Variants in WWOX observed in about 807,000 individuals in gnomAD.
The protein encoded by WWOX is WW domain-containing oxidoreductase.
Under a neutral mutation model 46.2 loss-of-function variants are expected in WWOX, and 69 were observed. The ratio of observed to expected loss-of-function variants is 1.49; its 90% CI spans 1.23 to 1.82. The LOEUF (loss-of-function observed/expected upper bound fraction) is 1.82, where lower values mean the gene tolerates loss of function less well. WWOX is among the 40% of genes most tolerant of loss of function. The pLI, the probability that WWOX is intolerant of heterozygous loss-of-function variation, is 0.00. For missense variants in WWOX, 919 were observed against 542.6 expected, an observed-to-expected ratio of 1.69 and a Z score of -6.89; for synonymous variants, 359 against 202.6, an observed-to-expected ratio of 1.77 and a Z score of -6.56.
chr16:78,516,580 C>T (rs1008698940), intron 8 of WWOX, among the ~76,000 whole-genome samples: 3 of 152,118 alleles, frequency 2.0e-5, no homozygotes, highest in Admixed American at 1.3e-4. Flanking sequence ...CATACTTGGC[C>T]TGTTTCTACA....
At chr16:79,147,319 T>G (rs190832554) in intron 8 of WWOX, among the ~76,000 whole-genome samples, 68 of 152,326 alleles carry the variant, frequency 4.5e-4, no homozygotes, top group African/African-American at 1.5e-3. Flanking sequence ...TGTTGTTTTT[T>G]CAAAATTATT....
chr16:78,813,587 G>T (rs955653101), intron 8 of WWOX, among the ~76,000 whole-genome samples: 1 of 152,142 alleles, frequency 6.6e-6, no homozygotes, highest in African/African-American at 2.4e-5. Context: ...GCGTGTGTGT[G>T]TGCATGTGTG....
intron 6 of WWOX, among the ~76,000 whole-genome samples, chr16:78,413,205 G>C (rs2082722989): frequency 6.6e-6 from 1 of 152,046 alleles, no homozygotes; most frequent in Non-Finnish European, 1.5e-5. Context: ...CGAGAATTCA[G>C]GGATCGGAGT....
At chr16:78,910,906 T>C (rs1445573471) in intron 8 of WWOX, among the ~76,000 whole-genome samples, 4 of 152,070 alleles carry the variant, frequency 2.6e-5, no homozygotes. Flanking sequence ...AGATGCAAAG[T>C]TATGCATATG....
chr16:78,713,916 G>C (rs920013673), intron 8 of WWOX, among the ~76,000 whole-genome samples: 3 of 152,154 alleles, frequency 2.0e-5, no homozygotes, highest in African/African-American at 4.8e-5. Flanking sequence ...CCCGAGGACT[G>C]TCGTTGGGGA....
chr16:79,111,309 A>G (rs1382768127), intron 8 of WWOX, among the ~76,000 whole-genome samples: 1 of 152,166 alleles, frequency 6.6e-6, no homozygotes, highest in Non-Finnish European at 1.5e-5. Context: ...TTTCTCTGTC[A>G]TGTTTAATTT....
At chr16:78,521,798 A>C (rs2043353879) in intron 8 of WWOX, among the ~76,000 whole-genome samples, 1 of 151,074 alleles carries the variant, frequency 6.6e-6, no homozygotes, top group African/African-American at 2.4e-5. Flanking sequence ...TTTTTTTGGC[A>C]TAAGAAGCCC....
At chr16:78,168,525 C>A (rs2035050223) in intron 5 of WWOX, 1 of 151,770 alleles carries the variant, frequency 6.6e-6, no homozygotes, top group Non-Finnish European at 1.5e-5. Context: ...CTGGTGAGCT[C>A]AGAGTCAGGC....
chr16:79,160,968 C>G (rs1318108885), intron 8 of WWOX, among the ~76,000 whole-genome samples: 1 of 152,044 alleles, frequency 6.6e-6, no homozygotes, highest in East Asian at 1.9e-4. Context: ...TAATGTAGCA[C>G]GTTTCCTGGC....
chr16:78,607,853 G>A (rs1046548963), intron 8 of WWOX, among the ~76,000 whole-genome samples: 1 of 152,038 alleles, frequency 6.6e-6, no homozygotes, highest in African/African-American at 2.4e-5. Context: ...GGGTACAATA[G>A]GTACCTGCAG....
intron 8 of WWOX, among the ~76,000 whole-genome samples, chr16:78,523,485 A>G (rs1427777704): frequency 6.6e-6 from 1 of 152,210 alleles, no homozygotes; most frequent in Non-Finnish European, 1.5e-5. Flanking sequence ...CTTAGTAGCA[A>G]TTCTAGTCTG....
At chr16:78,473,386 T>A (rs1332634795) in intron 8 of WWOX, among the ~76,000 whole-genome samples, 1 of 151,976 alleles carries the variant, frequency 6.6e-6, no homozygotes, top group African/African-American at 2.4e-5. Context: ...CACCTCAGCC[T>A]CCCAAAGTGC....
intron 6 of WWOX, among the ~76,000 whole-genome samples, chr16:78,414,298 C>G (rs374151945): frequency 5.9e-5 from 9 of 152,180 alleles, no homozygotes; most frequent in African/African-American, 2.2e-4. Context: ...TCACACAAAG[C>G]CTGTTTGGTG....
intron 8 of WWOX, among the ~76,000 whole-genome samples, chr16:78,648,357 G>C (rs1235526703): frequency 2.0e-5 from 3 of 152,138 alleles, no homozygotes; most frequent in African/African-American, 4.8e-5. Flanking sequence ...GAGCCAGCCG[G>C]CTCCCCTGCA....
intron 8 of WWOX, among the ~76,000 whole-genome samples, chr16:79,156,409 C>G (rs978719552): frequency 6.6e-6 from 1 of 152,200 alleles, no homozygotes; most frequent in African/African-American, 2.4e-5. Context: ...GATTCACCCG[C>G]CTCAGCCTCC....
intron 8 of WWOX, among the ~76,000 whole-genome samples, chr16:79,012,085 C>G (rs1176110307): frequency 2.0e-5 from 3 of 152,152 alleles, no homozygotes; most frequent in South Asian, 2.1e-4. Flanking sequence ...AGCGTGGACA[C>G]TGGGTAGGAG....
chr16:78,256,049 C>T (rs990737019), intron 5 of WWOX, among the ~76,000 whole-genome samples: 1 of 146,294 alleles, frequency 6.8e-6, no homozygotes, highest in Non-Finnish European at 1.5e-5. Flanking sequence ...GCTCAGGAGG[C>T]TGAGGCAGGA....
chr16:78,461,810 C>G (rs1039961126), intron 8 of WWOX, among the ~76,000 whole-genome samples: 1 of 152,194 alleles, frequency 6.6e-6, no homozygotes, highest in Non-Finnish European at 1.5e-5. Context: ...TTTTAATACT[C>G]TATTTATTTT....
intron 8 of WWOX, among the ~76,000 whole-genome samples, chr16:78,846,368 C>T (rs1840486167): frequency 6.6e-6 from 1 of 152,062 alleles, no homozygotes; most frequent in Admixed American, 6.6e-5. Context: ...AACCAGATAC[C>T]ACCTGGCATT....
Sources: allele counts gnomAD v4.1 joint callset (sites outside exome capture counted in the v4.1 genomes callset), GRCh38; gene constraint gnomAD v4.1.1; transcripts MANE v1.5; gene names NCBI Gene and HGNC (gene_info 2026-07-23, HGNC 2026-07-21).